Variants in ALK observed in about 807,000 individuals in gnomAD.
ALK encodes ALK tyrosine kinase receptor.
A neutral mutation model predicts 163.1 loss-of-function variants in ALK; 74 were observed. The ratio of observed to expected loss-of-function variants is 0.45; its 90% CI spans 0.38 to 0.55. ALK has a LOEUF of 0.55. ALK is among the 20% of genes least tolerant of loss of function. ALK has a pLI of 0.00. For synonymous variants in ALK, 960 were observed against 843.2 expected, an observed-to-expected ratio of 1.14 and a Z score of -2.40; for missense variants, 2,063 against 2,105.3, an observed-to-expected ratio of 0.98 and a Z score of 0.39.
At chr2:29,774,325 G>T (rs1197894663) in intron 1 of ALK, among the ~76,000 whole-genome samples, 1 of 152,166 alleles carries the variant, frequency 6.6e-6, no homozygotes, top group African/African-American at 2.4e-5. Context: ...ACTCACTCTA[G>T]AAGGACAAGA....
Position 29,220,837 on chromosome 2 carries a change from T to C in ALK, c.3516-2A>G. 6.2e-7 allele frequency: 1 copy of C among 1,614,100 alleles called. No homozygotes were observed. Among genetic ancestry groups the C allele is most frequent in the Non-Finnish European group, 8.5e-7 (1 of 1,179,950 alleles). On this transcript the variant is annotated splice_acceptor_variant, in intron 22 of 28. Transcript: ENST00000389048. LOFTEE classifies it high-confidence loss of function. ...ACAATGTTCTGGTGGTTGAATTTGC[T>C]GCAGAGCAGAGAGGGATGTAACCAA... is the stretch of plus-strand genomic sequence containing the variant.
At chr2:29,430,315 A>T (rs1670243379) in intron 4 of ALK, among the ~76,000 whole-genome samples, 1 of 152,224 alleles carries the variant, frequency 6.6e-6, no homozygotes, top group African/African-American at 2.4e-5. Context: ...TGAGACTTGT[A>T]TCTAGAATAC....
intron 3 of ALK, among the ~76,000 whole-genome samples, chr2:29,674,875 A>C (rs1677825625): frequency 1.3e-5 from 1 of 74,216 alleles, no homozygotes. Context: ...TCTATTCAGG[A>C]TTCAACTTCT....
intron 1 of ALK, among the ~76,000 whole-genome samples, chr2:29,796,771 C>T (rs1572386342): frequency 6.6e-6 from 1 of 152,136 alleles, no homozygotes; most frequent in East Asian, 1.9e-4. Context: ...TTAAAAGAAG[C>T]TCCGGTGTGG....
chr2:29,537,604 GGTT>G (rs1292202262), intron 3 of ALK, among the ~76,000 whole-genome samples: 1 of 152,202 alleles, frequency 6.6e-6, no homozygotes, highest in Non-Finnish European at 1.5e-5. Context: ...GAAAATGCGG[GGTT>G]GGAGCCTCTA....
intron 3 of ALK, among the ~76,000 whole-genome samples, chr2:29,616,636 C>T (rs556311501): frequency 5.4e-4 from 82 of 152,266 alleles, no homozygotes; most frequent in African/African-American, 1.9e-3. Flanking sequence ...AGAAAAATCA[C>T]ACCCTTCCTA....
At chr2:29,715,996 C>T (rs1573578535) in intron 2 of ALK, among the ~76,000 whole-genome samples, 1 of 152,152 alleles carries the variant, frequency 6.6e-6, no homozygotes, top group East Asian at 1.9e-4. Context: ...AAATATGGTA[C>T]AGAAAGGTAC....
chr2:29,499,337 C>G (rs1467044270), intron 4 of ALK, among the ~76,000 whole-genome samples: 1 of 152,150 alleles, frequency 6.6e-6, no homozygotes, highest in Non-Finnish European at 1.5e-5. Flanking sequence ...GCTGGAATTA[C>G]AGGTGTGCAC....
chr2:29,511,923 A>C (rs1180657349), intron 4 of ALK, among the ~76,000 whole-genome samples: 5 of 152,242 alleles, frequency 3.3e-5, no homozygotes, highest in East Asian at 1.9e-4. Context: ...ACGTCTATTA[A>C]AATATTTTGC....
intron 1 of ALK, among the ~76,000 whole-genome samples, chr2:29,837,232 C>T (rs1665586160): frequency 6.6e-6 from 1 of 152,116 alleles, no homozygotes; most frequent in African/African-American, 2.4e-5. Flanking sequence ...TATCTGGAGG[C>T]ACTTGTTGGA....
At chr2:29,600,470 A>G (rs1380940290) in intron 3 of ALK, among the ~76,000 whole-genome samples, 2 of 152,268 alleles carry the variant, frequency 1.3e-5, no homozygotes, top group African/African-American at 2.4e-5. Context: ...AAGTAGAGGA[A>G]GACATTAAAT....
At chr2:29,577,871 G>T (rs1186574084) in intron 3 of ALK, among the ~76,000 whole-genome samples, 1 of 152,224 alleles carries the variant, frequency 6.6e-6, no homozygotes, top group African/African-American at 2.4e-5. Context: ...TCTTTTTGCA[G>T]GATATGGTCT....
intron 3 of ALK, among the ~76,000 whole-genome samples, chr2:29,584,278 G>A (rs775339729): frequency 2.6e-5 from 4 of 152,284 alleles, no homozygotes; most frequent in Non-Finnish European, 5.9e-5. Flanking sequence ...CTTGTTAAAC[G>A]ATGTTCCCCT....
intron 1 of ALK, among the ~76,000 whole-genome samples, chr2:29,781,350 A>G (rs1317901029): frequency 3.3e-5 from 5 of 152,098 alleles, no homozygotes; most frequent in Non-Finnish European, 4.4e-5. Flanking sequence ...CCAGAGACCA[A>G]TGGAAACCAC....
intron 1 of ALK, among the ~76,000 whole-genome samples, chr2:29,741,237 G>T (rs1680050682): frequency 6.6e-6 from 1 of 152,114 alleles, no homozygotes; most frequent in Non-Finnish European, 1.5e-5. Context: ...AGGATTTGGG[G>T]GGCAATGAAA....
At chr2:29,715,820 G>A (rs1679233823) in intron 2 of ALK, among the ~76,000 whole-genome samples, 1 of 152,194 alleles carries the variant, frequency 6.6e-6, no homozygotes, top group South Asian at 2.1e-4. Flanking sequence ...ATGACACTCA[G>A]TGTCTGGTTT....
chr2:29,416,083 G>A (rs2148325891), intron 4 of ALK, among the ~76,000 whole-genome samples: 1 of 152,302 alleles, frequency 6.6e-6, no homozygotes, highest in Admixed American at 6.5e-5. Context: ...GGACTTATCA[G>A]CCTCTATAAT....
chr2:29,589,757 G>A (rs927711121), intron 3 of ALK, among the ~76,000 whole-genome samples: 8 of 152,204 alleles, frequency 5.3e-5, no homozygotes, highest in African/African-American at 1.9e-4. Flanking sequence ...ATGAGTAACT[G>A]TATTTTCAGA....
intron 11 of ALK, among the ~76,000 whole-genome samples, chr2:29,267,570 T>G (rs1665253355): frequency 6.6e-6 from 1 of 152,092 alleles, no homozygotes; most frequent in South Asian, 2.1e-4. Flanking sequence ...GCCCTCTCTC[T>G]CCTCCCTGAC....
Sources: gnomAD v4.1 joint callset for allele counts (sites outside exome capture counted in the v4.1 genomes callset) on GRCh38, gnomAD v4.1.1 for gene constraint, MANE v1.5 for transcripts, NCBI Gene and HGNC (gene_info 2026-07-23, HGNC 2026-07-21) for gene names.